CUX2: variants seen among roughly 807,000 people sequenced by gnomAD.
CUX2 encodes cut like homeobox 2.
In CUX2, 40 loss-of-function variants were observed where a neutral mutation model predicts 144.8. The ratio of observed to expected loss-of-function variants is 0.28; its 90% CI spans 0.21 to 0.36. The LOEUF is 0.36. Among genes scored for constraint, CUX2 ranks in the 10% least tolerant of loss-of-function variants. The pLI, the probability that CUX2 is intolerant of heterozygous loss-of-function variation, is 1.00. For missense variants in CUX2, 1,615 were observed against 1,994.0 expected (o/e 0.81, Z 3.62); for synonymous variants, 827 against 875.6 (o/e 0.94, Z 0.98).
intron 18 of CUX2, among the ~76,000 whole-genome samples, chr12:111,328,675 C>G (rs1015954271): frequency 6.6e-5 from 10 of 151,014 alleles, no homozygotes; most frequent in Non-Finnish European, 1.3e-4. Context: ...TCTCGGCTCA[C>G]TGTAACCTCC....
rs370486043 is a variant in CUX2 at position 111,134,594 on chromosome 12, T to TTCTC, written c.64-79582_64-79579dup. Among the ~76,000 whole-genome samples, 224 of 144,250 alleles carry TTCTC rather than the reference T, an allele frequency of 1.6e-3. 1 individual carries two copies. Among genetic ancestry groups the TTCTC allele is most frequent in the African/African-American group, 2.5e-3 (99 of 39,094 alleles). 94.6% of individuals were successfully genotyped at this position (144,250 alleles called of 152,430 possible). A position where few individuals can be genotyped will look rare whatever the true frequency, so the allele number is the denominator to read the frequency against. The stretch of plus-strand genomic sequence containing the variant: ...GAGAAACAGAACCAATAAGATCTCT[T>TTCTC]TCTCTCTCTCTCTCTCTCTCTCTCT... On this transcript the variant is annotated intron_variant, in intron 1 of 21. Coordinates refer to ENST00000261726, the MANE Select transcript of CUX2 (RefSeq NM_015267.4).
chr12:111,256,632 C>T (rs951211344), intron 3 of CUX2, among the ~76,000 whole-genome samples: 1 of 152,146 alleles, frequency 6.6e-6, no homozygotes, highest in Non-Finnish European at 1.5e-5. Flanking sequence ...GCCCACAGCA[C>T]TTGGAGAAGC....
At chr12:111,096,455 G>A (rs1018826818) in intron 1 of CUX2, among the ~76,000 whole-genome samples, 1 of 152,196 alleles carries the variant, frequency 6.6e-6, no homozygotes, top group Non-Finnish European at 1.5e-5. Flanking sequence ...TCCCCGTATG[G>A]AATCTTAGGA....
At chr12:111,278,010 C>T (rs1884961441) in intron 4 of CUX2, among the ~76,000 whole-genome samples, 1 of 152,194 alleles carries the variant, frequency 6.6e-6, no homozygotes, top group Non-Finnish European at 1.5e-5. Flanking sequence ...TGCCTATGTT[C>T]CTTGGCTCAT....
intron 16 of CUX2, among the ~76,000 whole-genome samples, chr12:111,313,732 C>G (rs542763840): frequency 3.3e-4 from 50 of 152,180 alleles, no homozygotes; most frequent in African/African-American, 1.1e-3. Flanking sequence ...CCTGAAAGAT[C>G]AGCCATCATT....
chr12:111,301,530 T>C (rs1469763853), intron 9 of CUX2, among the ~76,000 whole-genome samples: 1 of 151,934 alleles, frequency 6.6e-6, no homozygotes, highest in Non-Finnish European at 1.5e-5. Flanking sequence ...TTTTTTTCTT[T>C]TCCAAGAGAC....
intron 1 of CUX2, among the ~76,000 whole-genome samples, chr12:111,135,104 G>T (rs2136114752): frequency 6.6e-6 from 1 of 152,158 alleles, no homozygotes; most frequent in South Asian, 2.1e-4. Context: ...TGGCGAGACA[G>T]AAAAGGTCCA....
intron 8 of CUX2, 31 bp downstream of exon 8, chr12:111,296,570 C>T: frequency 5.7e-6 from 9 of 1,587,692 alleles, no homozygotes; most frequent in Non-Finnish European, 7.7e-6. Context: ...TGTACCTCCT[C>T]CCTTGGAGGC....
At chr12:111,335,034 G>T (rs537886385) in intron 19 of CUX2, among the ~76,000 whole-genome samples, 32 of 152,334 alleles carry the variant, frequency 2.1e-4, no homozygotes, top group African/African-American at 7.7e-4. Flanking sequence ...GTTCAAGGCT[G>T]CAGTGAGCTA....
chr12:111,305,184 G>A (rs573284065), intron 10 of CUX2, among the ~76,000 whole-genome samples: 1 of 152,310 alleles, frequency 6.6e-6, no homozygotes, highest in South Asian at 2.1e-4. Context: ...CTCTCCCAGA[G>A]AGCCTTGGGT....
At chr12:111,346,095 A>T (rs1168769097) in intron 21 of CUX2, among the ~76,000 whole-genome samples, 1 of 146,862 alleles carries the variant, frequency 6.8e-6, no homozygotes, top group Non-Finnish European at 1.5e-5. Flanking sequence ...CAACAAAGTG[A>T]GACTCCATCT....
chr12:111,329,403 T>C (rs1887988972), intron 18 of CUX2, among the ~76,000 whole-genome samples: 1 of 151,996 alleles, frequency 6.6e-6, no homozygotes, highest in Non-Finnish European at 1.5e-5. Context: ...CTGATAGAGA[T>C]AATTTCTGAA....
Position 111,324,256 on chromosome 12 carries a change from G to A in CUX2, c.2926+1676G>A, listed in dbSNP as rs570255751. Among the ~76,000 whole-genome samples the A allele has an allele frequency of 1.6e-3, 245 of 151,458 alleles. 2 individuals carry two copies. Among genetic ancestry groups the A allele is most frequent in the African/African-American group, 5.6e-3 (230 of 41,254 alleles). On this transcript the variant is annotated intron_variant, in intron 18 of 21. Coordinates refer to ENST00000261726, the MANE Select transcript of CUX2 (RefSeq NM_015267.4). ...TCTTAGCTGCTTAGGAGACTGAAGC[G>A]GGAGAATCACATGACCTGGGAGGCA... is the stretch of plus-strand genomic sequence containing the variant.
rs570816666 is a variant in CUX2, at chr12:111,077,876, A to T, written c.63+43636A>T. On this transcript the variant is annotated intron_variant, in intron 1 of 21. Transcript: ENST00000261726. The surrounding 1 kb of genome is among the most constrained non-coding windows in gnomAD (Gnocchi z 4.1). Reference sequence around the variant, plus strand: ...AGAACAGCAGCTAAAGGTTTGATTTAGTCTTCTGTGGTTATTGATGGGAAA... The same window carrying T: ...AGAACAGCAGCTAAAGGTTTGATTTTGTCTTCTGTGGTTATTGATGGGAAA... Among the ~76,000 whole-genome samples, 252 of 152,338 alleles carry T rather than the reference A, an allele frequency of 1.7e-3. 2 individuals are homozygous for T. Among genetic ancestry groups the T allele is most frequent in the African/African-American group, 5.7e-3 (239 of 41,576 alleles).
intron 3 of CUX2, among the ~76,000 whole-genome samples, chr12:111,240,604 A>G (rs1448157472): frequency 6.6e-6 from 1 of 152,176 alleles, no homozygotes; most frequent in East Asian, 1.9e-4. Flanking sequence ...AGCCAATCTT[A>G]GGGGAGGAAA....
chr12:111,196,782 G>A (rs748992875), intron 1 of CUX2, among the ~76,000 whole-genome samples: 1 of 152,148 alleles, frequency 6.6e-6, no homozygotes, highest in Admixed American at 6.5e-5. Context: ...TAACGTAGAA[G>A]TACTAAATTT....
chr12:111,336,324 C>T (rs950198337), intron 19 of CUX2, among the ~76,000 whole-genome samples: 1 of 151,846 alleles, frequency 6.6e-6, no homozygotes, highest in South Asian at 2.1e-4. Flanking sequence ...AAAAATAAGA[C>T]ATATTCATTG....
chr12:111,131,064 T>C (rs1027528118), intron 1 of CUX2, among the ~76,000 whole-genome samples: 1 of 152,216 alleles, frequency 6.6e-6, no homozygotes, highest in African/African-American at 2.4e-5. Flanking sequence ...CCTGTATTAG[T>C]TTGTTTTCAC....
intron 1 of CUX2, among the ~76,000 whole-genome samples, chr12:111,203,554 A>G (rs1880736330): frequency 2.0e-5 from 3 of 151,296 alleles, no homozygotes; most frequent in Admixed American, 6.6e-5. Context: ...CAAAAAAAAA[A>G]AAAAAGAAAA....
Sources: gnomAD v4.1 joint callset for allele counts (sites outside exome capture counted in the v4.1 genomes callset) on GRCh38, gnomAD v4.1.1 for gene constraint, Gnocchi (gnomAD v3.1) non-coding constraint, MANE v1.5 for transcripts, NCBI Gene and HGNC (gene_info 2026-07-23, HGNC 2026-07-21) for gene names.